UPRT: variants seen among roughly 807,000 people sequenced by gnomAD.
UPRT encodes the protein RP11-311P8.3.
Under a neutral mutation model 22.6 loss-of-function variants are expected in UPRT, and 5 were observed. The ratio of observed to expected loss-of-function variants is 0.22; its 90% CI spans 0.12 to 0.47. The LOEUF (loss-of-function observed/expected upper bound fraction) is 0.47, where lower values mean the gene tolerates loss of function less well. Among genes scored for constraint, UPRT ranks in the 20% least tolerant of loss-of-function variants. The probability of loss-of-function intolerance (pLI) is 0.99; values close to 1 mark genes in which losing one functional copy is unlikely to be tolerated. For synonymous variants in UPRT, 77 were observed against 87.7 expected (o/e 0.88, Z 0.68); for missense variants, 181 against 239.9 (o/e 0.75, Z 1.62).
chrX:75,259,604 A>C (rs1255836213), intron 4 of UPRT, among the ~76,000 whole-genome samples: 1 of 110,571 alleles, frequency 9.0e-6, no homozygotes, highest in African/African-American at 3.3e-5. Context: ...GAAATATGGC[A>C]CTATGTGAAA....
chrX:75,255,946 G>C (rs1602477011), intron 4 of UPRT, among the ~76,000 whole-genome samples: 1 of 111,738 alleles, frequency 8.9e-6, no homozygotes, highest in African/African-American at 3.3e-5. Flanking sequence ...GACAGCACTA[G>C]AAAGGTCATC....
intron 4 of UPRT, among the ~76,000 whole-genome samples, chrX:75,251,582 AACATTCCATGCTC>A (rs1453390609): frequency 1.1e-4 from 12 of 111,938 alleles, no homozygotes; most frequent in African/African-American, 3.9e-4. Flanking sequence ...CAAATGGAAG[AACATTCCATGCTC>A]ATGGGTAGGA....
chrX:75,244,928 A>G (rs781549104), intron 4 of UPRT, among the ~76,000 whole-genome samples: 1 of 111,654 alleles, frequency 9.0e-6, no homozygotes, highest in Non-Finnish European at 1.9e-5. Context: ...GACAAATGGG[A>G]TCTAATTAAA....
chrX:75,191,129 A>T (rs1252732290), intron 4 of UPRT, among the ~76,000 whole-genome samples: 1 of 111,357 alleles, frequency 9.0e-6, no homozygotes, highest in East Asian at 2.8e-4. Flanking sequence ...TTGATCTTTG[A>T]TGATGGCGAC....
intron 4 of UPRT, among the ~76,000 whole-genome samples, chrX:75,239,346 T>C (rs2082480521): frequency 9.0e-6 from 1 of 111,125 alleles, no homozygotes; most frequent in Non-Finnish European, 1.9e-5. Flanking sequence ...GTGCGAAAAT[T>C]AGAAAACTAG....
At chrX:75,253,572 A>T (rs184034899) in intron 4 of UPRT, among the ~76,000 whole-genome samples, 180 of 111,888 alleles carry the variant, frequency 1.6e-3, no homozygotes, top group African/African-American at 5.6e-3. Flanking sequence ...GGGAGGCAGG[A>T]GTAGATTGCA....
At position 75,274,603 on chromosome X, in the gene UPRT, G is replaced by A; in HGVS notation, c.349G>A (p.Asp117Asn). ...GAQLKLLPMN[D>N]QIRELQTIIR... The stretch of plus-strand genomic sequence containing the variant: ...GCAGCTTAAGCTGCTGCCTATGAAT[G>A]ATCAGATACGGGAGCTACAGACCAT... The change falls in exon 1 of 7, where the codon GAT becomes AAT. Residue 117 changes from aspartate to asparagine, a missense_variant. This residue lies in a region of UPRT where 111 missense variants were observed against 102.8 expected (regional missense o/e 1.08). Coordinates refer to ENST00000373383, the MANE Select transcript of UPRT (RefSeq NM_145052.4). The A allele has an allele frequency of 8.3e-7, 1 of 1,206,424 alleles. No homozygotes were observed. The highest frequency in any genetic ancestry group is 1.1e-6 in the Non-Finnish European group (1 of 892,589).
At chrX:75,197,926 G>A in intron 4 of UPRT, among the ~76,000 whole-genome samples, 1 of 112,336 alleles carries the variant, frequency 8.9e-6, no homozygotes, top group Non-Finnish European at 1.9e-5. Context: ...AATTTTGGCA[G>A]TTTCTTATAA....
intron 4 of UPRT, among the ~76,000 whole-genome samples, chrX:75,267,942 A>G (rs2082595715): frequency 9.0e-6 from 1 of 111,569 alleles, no homozygotes; most frequent in Non-Finnish European, 1.9e-5. Flanking sequence ...GAGACACAAA[A>G]AACCCTCAAA....
intron 4 of UPRT, among the ~76,000 whole-genome samples, chrX:75,245,266 T>TAAAAAAAAAA (rs766688686): frequency 1.5e-5 from 1 of 65,475 alleles, no homozygotes; most frequent in Non-Finnish European, 3.1e-5. Context: ...TACTAAAAAG[T>TAAAAAAAAAA]AAAAAAAAAA....
chrX:75,194,593 A>G (rs2082327304), intron 4 of UPRT, among the ~76,000 whole-genome samples: 1 of 110,909 alleles, frequency 9.0e-6, no homozygotes, highest in Non-Finnish European at 1.9e-5. Context: ...TGGAGTCTCT[A>G]TGCACATTTG....
At chrX:75,206,086 C>T (rs2082365638) in intron 4 of UPRT, among the ~76,000 whole-genome samples, 4 of 111,491 alleles carry the variant, frequency 3.6e-5, no homozygotes, top group African/African-American at 1.3e-4. Flanking sequence ...TTAATGTTTA[C>T]AGCCTTTGCC....
intron 4 of UPRT, among the ~76,000 whole-genome samples, chrX:75,250,432 C>A (rs921834094): frequency 2.7e-5 from 3 of 111,466 alleles, no homozygotes; most frequent in Admixed American, 1.9e-4. Flanking sequence ...ACTATAAACA[C>A]CTCTATGCAA....
chrX:75,282,107 G>T (rs2082659890), intron 1 of UPRT, among the ~76,000 whole-genome samples: 1 of 111,125 alleles, frequency 9.0e-6, no homozygotes, highest in Non-Finnish European at 1.9e-5. Context: ...GGTGTCAGTT[G>T]TAATATCTCC....
At chrX:75,297,732 C>A in intron 4 of UPRT, 179 bp downstream of exon 4, 2 of 489,178 alleles carry the variant, frequency 4.1e-6, no homozygotes, top group East Asian at 7.5e-5. Context: ...CTAGGTTTGG[C>A]TAATTTTAAC....
intron 2 of UPRT, chrX:75,294,418 T>C: frequency 3.5e-6 from 1 of 287,011 alleles, no homozygotes; most frequent in South Asian, 5.3e-5. Context: ...GTGTTTATGA[T>C]CTAAATACTA....
intron 4 of UPRT, among the ~76,000 whole-genome samples, chrX:75,248,814 G>C (rs949004865): frequency 1.8e-5 from 2 of 111,790 alleles, no homozygotes; most frequent in Admixed American, 9.5e-5. Context: ...AGAGAGAAAG[G>C]TCGGGTTATC....
At chrX:75,180,681 G>GTTTATTTTTTTTCTT (rs2082266129) in intron 4 of UPRT, among the ~76,000 whole-genome samples, 1 of 43,895 alleles carries the variant, frequency 2.3e-5, no homozygotes, top group Non-Finnish European at 3.8e-5. Context: ...CCTTTTCTCT[G>GTTTATTTTTTTTCTT]TTTTTTTTTT....
chrX:75,278,455 A>T (rs889962671), intron 1 of UPRT, among the ~76,000 whole-genome samples: 1 of 111,796 alleles, frequency 8.9e-6, no homozygotes, highest in Non-Finnish European at 1.9e-5. Flanking sequence ...ACTTGGGATA[A>T]GAAAAAATTT....
Sources: allele counts gnomAD v4.1 joint callset (sites outside exome capture counted in the v4.1 genomes callset), GRCh38; gene constraint gnomAD v4.1.1; regional missense constraint gnomAD v4.1.1; transcripts MANE v1.5; gene names NCBI Gene and HGNC (gene_info 2026-07-23, HGNC 2026-07-21).